Variants in CCDC178 observed in about 807,000 individuals in gnomAD.
CCDC178 encodes the protein coiled-coil domain containing 178.
A neutral mutation model predicts 117.4 loss-of-function variants in CCDC178; 126 were observed. That is an observed-to-expected ratio of 1.07 (90% CI 0.93 to 1.24). CCDC178 has a LOEUF of 1.24. Among genes scored for constraint, CCDC178 ranks in the 50% most tolerant of loss-of-function variants. The pLI, the probability that CCDC178 is intolerant of heterozygous loss-of-function variation, is 0.00. For missense variants in CCDC178, 1,030 were observed against 986.9 expected (o/e 1.04, Z -0.59); for synonymous variants, 283 against 313.4 (o/e 0.90, Z 1.02).
intron 14 of CCDC178, among the ~76,000 whole-genome samples, chr18:33,254,185 T>A (rs963454768): frequency 6.6e-6 from 1 of 150,812 alleles, no homozygotes; most frequent in Non-Finnish European, 1.5e-5. Flanking sequence ...AAGGAAGAAC[T>A]AAGAATAAAC....
At chr18:33,276,016 TAA>T (rs930800293) in intron 12 of CCDC178, among the ~76,000 whole-genome samples, 18 of 105,376 alleles carry the variant, frequency 1.7e-4, no homozygotes, top group African/African-American at 6.1e-4. Flanking sequence ...ACCCTGTTTC[TAA>T]AGTAAGTGAG....
chr18:33,087,236 T>C (rs1598868881), intron 21 of CCDC178, among the ~76,000 whole-genome samples: 1 of 152,218 alleles, frequency 6.6e-6, no homozygotes, highest in East Asian at 1.9e-4. Flanking sequence ...AAACTGGTAT[T>C]GGACTGAATA....
intron 11 of CCDC178, among the ~76,000 whole-genome samples, chr18:33,297,504 C>T (rs1378649701): frequency 6.6e-6 from 1 of 151,798 alleles, no homozygotes; most frequent in East Asian, 1.9e-4. Flanking sequence ...ACAATGGGTA[C>T]CACAAAAAAT....
chr18:33,088,832 T>A (rs1468510401), intron 21 of CCDC178, among the ~76,000 whole-genome samples: 1 of 152,140 alleles, frequency 6.6e-6, no homozygotes, highest in African/African-American at 2.4e-5. Flanking sequence ...TGCAGTTTAT[T>A]GGAAAGAACA....
chr18:33,303,625 C>T (rs185754122), intron 11 of CCDC178, among the ~76,000 whole-genome samples: 23 of 151,534 alleles, frequency 1.5e-4, no homozygotes, highest in Non-Finnish European at 5.9e-5. Flanking sequence ...CTAAACTTTC[C>T]ACCCAATTTT....
chr18:33,053,404 G>A lies in CCDC178; in HGVS notation c.2388+39357C>T, dbSNP rs947909834. 1.4e-4 allele frequency among the ~76,000 whole-genome samples: 21 copies of A among 152,066 alleles called. 1 individual carries two copies. Among genetic ancestry groups the A allele is most frequent in the Admixed American group, 1.2e-3 (18 of 15,258 alleles). On this transcript the variant is annotated intron_variant, in intron 21 of 22. Transcript: ENST00000383096. ...ATAGTTGAGGGCTCCATACTCAGAGGAAAAAAACGGATTGAAATGGTGGAC... is the reference window on the plus strand; with the variant it reads ...ATAGTTGAGGGCTCCATACTCAGAGAAAAAAAACGGATTGAAATGGTGGAC...
In CCDC178 at chr18:33,346,251, T is replaced by G; in HGVS notation, c.618A>C (p.Ser206=). Residue 206 remains serine (S), a synonymous_variant, in exon 9 of 23, where the codon TCA becomes TCC. Coordinates refer to ENST00000383096, the MANE Select transcript of CCDC178 (RefSeq NM_001105528.4). ...ATGGGAGTTCTTGAAGTTTCCAGAC[T>G]GACCAAGAGTCAATTTTCATGTTAA... The part of the protein sequence containing the change: ...NMINMKIDSW[S]VWKLQELPLA... 2 of 1,614,008 alleles carry G rather than the reference T, an allele frequency of 1.2e-6. No homozygotes were observed. The highest frequency in any genetic ancestry group is 2.2e-5 in the South Asian group (2 of 91,060).
At chr18:33,143,859 G>A (rs1158746707) in intron 20 of CCDC178, among the ~76,000 whole-genome samples, 1 of 151,854 alleles carries the variant, frequency 6.6e-6, no homozygotes, top group East Asian at 1.9e-4. Context: ...TGTAAACCAG[G>A]GGATTCTTTT....
chr18:33,035,159 A>G (rs1567946640), intron 21 of CCDC178, among the ~76,000 whole-genome samples: 1 of 151,934 alleles, frequency 6.6e-6, no homozygotes, highest in Non-Finnish European at 1.5e-5. Context: ...AGAAGTTAGG[A>G]TGTTTATAAA....
intron 15 of CCDC178, among the ~76,000 whole-genome samples, chr18:33,227,568 A>G (rs1300435794): frequency 1.4e-5 from 2 of 144,474 alleles, no homozygotes; most frequent in African/African-American, 5.1e-5. Flanking sequence ...ATATATATAT[A>G]TATATATATA....
chr18:33,049,856 G>A (rs1461330588), intron 21 of CCDC178, among the ~76,000 whole-genome samples: 1 of 152,100 alleles, frequency 6.6e-6, no homozygotes, highest in Non-Finnish European at 1.5e-5. Flanking sequence ...GCCGAGGGGG[G>A]TGGATACTTG....
At chr18:33,050,979 C>T (rs749501784) in intron 21 of CCDC178, among the ~76,000 whole-genome samples, 2 of 152,110 alleles carry the variant, frequency 1.3e-5, no homozygotes, top group Non-Finnish European at 2.9e-5. Flanking sequence ...ATGGCGCGAT[C>T]TTGACACACT....
At chr18:32,967,648 A>T (rs1004440356) in intron 22 of CCDC178, among the ~76,000 whole-genome samples, 10 of 151,696 alleles carry the variant, frequency 6.6e-5, no homozygotes, top group Admixed American at 5.9e-4. Context: ...TCATTAATGC[A>T]TTTAGCCTTA....
intron 20 of CCDC178, among the ~76,000 whole-genome samples, chr18:33,174,947 C>G (rs963938269): frequency 2.0e-5 from 3 of 152,074 alleles, no homozygotes; most frequent in African/African-American, 7.2e-5. Context: ...CTCTGCCTCC[C>G]AGGTTCAAGT....
intron 22 of CCDC178, chr18:32,958,183 T>G (rs565640473): frequency 9.1e-5 from 53 of 584,620 alleles, no homozygotes; most frequent in Non-Finnish European, 1.5e-4. Context: ...TTTTTGTACT[T>G]TAAAAGCAAT....
intron 21 of CCDC178, among the ~76,000 whole-genome samples, chr18:33,037,400 T>C (rs1055632469): frequency 3.9e-5 from 6 of 151,958 alleles, no homozygotes; most frequent in African/African-American, 1.4e-4. Context: ...TTGTAAACTC[T>C]GTCATTGATA....
chr18:33,235,646 C>T (rs57204429), intron 15 of CCDC178, among the ~76,000 whole-genome samples: 9,480 of 152,144 alleles, frequency 0.062, 473 homozygotes, highest in African/African-American at 0.14. Flanking sequence ...GATGTTCTCA[C>T]TTTTCCACCA....
At chr18:32,965,923 A>G (rs2054803112) in intron 22 of CCDC178, among the ~76,000 whole-genome samples, 2 of 149,162 alleles carry the variant, frequency 1.3e-5, no homozygotes, top group Non-Finnish European at 3.0e-5. Flanking sequence ...ATTGATTTAA[A>G]TAAATGCTTA....
At chr18:33,287,909 G>T (rs946378758) in intron 12 of CCDC178, among the ~76,000 whole-genome samples, 1 of 152,092 alleles carries the variant, frequency 6.6e-6, no homozygotes, top group African/African-American at 2.4e-5. Context: ...CTCAATAATT[G>T]TTCCCTTTTT....
Sources: gnomAD v4.1 joint callset for allele counts (sites outside exome capture counted in the v4.1 genomes callset) on GRCh38, gnomAD v4.1.1 for gene constraint, MANE v1.5 for transcripts, NCBI Gene and HGNC (gene_info 2026-07-23, HGNC 2026-07-21) for gene names.